Variants in ARHGAP33 observed in about 807,000 individuals in gnomAD.
The protein encoded by ARHGAP33 is Rho GTPase activating protein 33.
In ARHGAP33, 57 loss-of-function variants were observed where a neutral mutation model predicts 126.2. That is an observed-to-expected ratio of 0.45 (90% CI 0.36 to 0.56). The LOEUF (loss-of-function observed/expected upper bound fraction) is 0.56. Ranked by LOEUF, ARHGAP33 falls within the 20% of genes least tolerant of loss-of-function variation. The probability of loss-of-function intolerance (pLI) is 0.00; values close to 1 mark genes in which losing one functional copy is unlikely to be tolerated. For missense variants in ARHGAP33, 1,500 were observed against 1,748.3 expected (o/e 0.86, Z 2.53); for synonymous variants, 711 against 755.0 (o/e 0.94, Z 0.95).
In ARHGAP33 at chr19:35,777,653, C is replaced by T; in HGVS notation, c.15C>T (p.Ser5=). The change falls in exon 2 of 21, where the codon AGC becomes AGT. Residue 5 remains serine, a synonymous_variant. Coordinates refer to ENST00000007510, the MANE Select transcript of ARHGAP33 (RefSeq NM_001366178.1). ...TTCTTTCTGCTCTACAGGCACGCAG[C>T]ACTGACAGCCTGGATGGCCCAGGGG... MVAR[S]TDSLDGPGEG... 1 of 1,572,486 alleles carries T rather than the reference C, an allele frequency of 6.4e-7. No homozygotes were observed. The highest frequency in any genetic ancestry group is 8.6e-7 in the Non-Finnish European group (1 of 1,158,152).
At position 35,788,360 on chromosome 19, in the gene ARHGAP33, T is replaced by G. The variant is rs776890625; in HGVS notation, c.3795T>G (p.Gly1265=). The part of the protein sequence containing the change: ...RNGGQRGEGA[G]PPPPYPTPSW... ...GAGGGCAAAGAGGGGAGGGGGCTGGTCCCCCACCCCCTTACCCCACTCCCA... is the reference window on the plus strand; with the variant it reads ...GAGGGCAAAGAGGGGAGGGGGCTGGGCCCCCACCCCCTTACCCCACTCCCA... The change falls in exon 21 of 21, where the codon GGT becomes GGG. Residue 1265 remains glycine, a synonymous_variant. Coordinates refer to ENST00000007510, the MANE Select transcript of ARHGAP33 (RefSeq NM_001366178.1). The G allele has an allele frequency of 2.5e-6, 4 of 1,597,150 alleles. No individual in the cohort carries two copies. The highest frequency in any genetic ancestry group is 2.3e-5 in the East Asian group (1 of 44,170).
rs533922812 is a variant in ARHGAP33, at chr19:35,786,867, G to C, written c.2397G>C (p.Leu799=). 18 of 1,602,950 alleles carry C rather than the reference G, an allele frequency of 1.1e-5. No homozygotes were observed. The African/African-American group carries it at 2.1e-4, about 19-fold the overall frequency. Reference sequence around the variant, plus strand: ...CTGCCCTAGACATCTCAGAGCCCCTGGCTGTATCAGTGCCACCCGCTGTCC... The same window carrying C: ...CTGCCCTAGACATCTCAGAGCCCCTCGCTGTATCAGTGCCACCCGCTGTCC... ...SPAALDISEP[L]AVSVPPAVLE... is the part of the protein sequence containing the mutation. The change falls in exon 20 of 21, where the codon CTG becomes CTC. Residue 799 remains leucine (L), a synonymous_variant. Transcript: ENST00000007510. This position sits in a 1 kb window ranked among gnomAD's most constrained non-coding sequence, Gnocchi z 7.0.
At chr19:35,779,431 G>GT (rs573611584) in intron 6 of ARHGAP33, among the ~76,000 whole-genome samples, 186 of 151,910 alleles carry the variant, frequency 1.2e-3, no homozygotes, top group Admixed American at 1.8e-3. Context: ...AACCAGAGGG[G>GT]TTTTTTTTCT....
At position 35,784,218 on chromosome 19, in the gene ARHGAP33, C is replaced by T. The variant is rs777784026; in HGVS notation, c.1468C>T (p.Arg490Trp). 5.6e-6 allele frequency: 9 copies of T among 1,611,786 alleles called. No individual in the cohort carries two copies. Among genetic ancestry groups the T allele is most frequent in the South Asian group, 2.2e-5 (2 of 90,974 alleles). The change falls in exon 16 of 21, where the codon CGG becomes TGG. Residue 490 changes from arginine (R) to tryptophan (W), a missense_variant. Transcript: ENST00000007510. ...GGGAATGGGTGGCGCGGCGGCGTTCCGGGAAGTTCGGGTGCAGTCGGTGGT... is the reference window on the plus strand; with the variant it reads ...GGGAATGGGTGGCGCGGCGGCGTTCTGGGAAGTTCGGGTGCAGTCGGTGGT... ...SVGMGGAAAF[R>W]EVRVQSVVVE...
Position 35,782,362 on chromosome 19 carries a change from G to T in ARHGAP33, c.1086-11G>T. The T allele has an allele frequency of 6.3e-7, 1 of 1,596,032 alleles. No individual in the cohort carries two copies. The highest frequency in any genetic ancestry group is 8.6e-7 in the Non-Finnish European group (1 of 1,165,474). Reference sequence around the variant, plus strand: ...CCTGGATCTTCCTCCTCCTTGACACGGTGGTCTCAGGCACGAGTTTGACAG... The same window carrying T: ...CCTGGATCTTCCTCCTCCTTGACACTGTGGTCTCAGGCACGAGTTTGACAG... On this transcript the variant is annotated splice_polypyrimidine_tract_variant and intron_variant, in intron 12 of 20. Coordinates refer to ENST00000007510, the MANE Select transcript of ARHGAP33 (RefSeq NM_001366178.1). This position sits in a 1 kb window ranked among gnomAD's most constrained non-coding sequence, Gnocchi z 4.1.
At position 35,788,163 on chromosome 19, in the gene ARHGAP33, G is replaced by A. The variant is rs561150729; in HGVS notation, c.3598G>A (p.Gly1200Ser). Reference sequence around the variant, plus strand: ...CCACCCCCGAAGCCGTTCAGATCCCGGTCCCCCAGTCCCCCGCCTTCCCCA... The same window carrying A: ...CCACCCCCGAAGCCGTTCAGATCCCAGTCCCCCAGTCCCCCGCCTTCCCCA... ...PAHPRSRSDP[G>S]PPVPRLPQKQ... is the part of the protein sequence containing the mutation. Residue 1200 changes from glycine to serine, a missense_variant, in exon 21 of 21, where the codon GGT becomes AGT. Physicochemically the swap from Gly to Ser is moderately conservative, Grantham distance 56. This residue lies in a region of ARHGAP33 where 642 missense variants were observed against 634.0 expected (regional missense o/e 1.01). Transcript: ENST00000007510. The A allele has an allele frequency of 3.6e-5, 53 of 1,474,570 alleles. No homozygotes were observed. Among genetic ancestry groups the A allele is most frequent in the Admixed American group, 2.1e-4 (11 of 53,302 alleles). 91.3% of individuals were successfully genotyped at this position (1,474,570 alleles called of 1,614,324 possible). A position where few individuals can be genotyped will look rare whatever the true frequency, so the allele number is the denominator to read the frequency against.
chr19:35,777,674 AG>A lies in ARHGAP33; in HGVS notation c.40del (p.Glu14ArgfsTer15). ...ARSTDSLDGP[G>X]EGSVQPLPTA... ...GCAGCACTGACAGCCTGGATGGCCC[AG>A]GGGAGGGCTCGGTGCAGCCTCTACC... On this transcript the variant is annotated frameshift_variant, in exon 2 of 21. Coordinates refer to ENST00000007510, the MANE Select transcript of ARHGAP33 (RefSeq NM_001366178.1). LOFTEE classifies it high-confidence loss of function. 6 of 1,585,312 alleles carry A rather than the reference AG, an allele frequency of 3.8e-6. No individual in the cohort carries two copies. The highest frequency in any genetic ancestry group is 5.1e-6 in the Non-Finnish European group (6 of 1,165,472).
chr19:35,784,628 GC>G, intron 16 of ARHGAP33: 2 of 1,253,060 alleles, frequency 1.6e-6, no homozygotes, highest in Non-Finnish European at 2.0e-6. Flanking sequence ...CCCCGCCCCG[GC>G]CCCACCCAGA....
intron 6 of ARHGAP33, 169 bp from the exon 7 acceptor site, chr19:35,780,042 C>A: frequency 3.2e-6 from 3 of 948,488 alleles, no homozygotes; most frequent in Non-Finnish European, 5.0e-6. Flanking sequence ...CAGAGGGTGC[C>A]AGGGCTGCAT....
chr19:35,786,192 G>C lies in ARHGAP33; in HGVS notation c.1943-221G>C. The C allele has an allele frequency of 7.1e-7, 1 of 1,402,172 alleles. No homozygotes were observed. 86.9% of individuals were successfully genotyped at this position (1,402,172 alleles called of 1,614,324 possible). A position where few individuals can be genotyped will look rare whatever the true frequency, so the allele number is the denominator to read the frequency against. Reference sequence around the variant, plus strand: ...TGGCTCAGCAGCTGTATGTGAATCTGTTGGTCTCGTGCTCACAGCCTGTGG... The same window carrying C: ...TGGCTCAGCAGCTGTATGTGAATCTCTTGGTCTCGTGCTCACAGCCTGTGG... On this transcript the variant is annotated intron_variant, in intron 19 of 20. Coordinates refer to ENST00000007510, the MANE Select transcript of ARHGAP33 (RefSeq NM_001366178.1). This position sits in a 1 kb window ranked among gnomAD's most constrained non-coding sequence, Gnocchi z 7.0.
intron 6 of ARHGAP33, among the ~76,000 whole-genome samples, chr19:35,779,402 C>T (rs1599776749): frequency 6.6e-6 from 1 of 152,040 alleles, no homozygotes; most frequent in African/African-American, 2.4e-5. Flanking sequence ...TCACAGAACA[C>T]CTGGCTATGA....
intron 5 of ARHGAP33, among the ~76,000 whole-genome samples, 165 bp from the exon 6 acceptor site, chr19:35,778,867 A>G (rs992844254): frequency 6.6e-6 from 1 of 152,180 alleles, no homozygotes; most frequent in Non-Finnish European, 1.5e-5. Context: ...AGCTTGGCCC[A>G]GCCTGCTTAT....
chr19:35,779,086 A>G lies in ARHGAP33; in HGVS notation c.463A>G (p.Ser155Gly), dbSNP rs373417733. The G allele has an allele frequency of 3.7e-4, 571 of 1,551,602 alleles. No homozygotes were observed. The highest frequency in any genetic ancestry group is 4.7e-4 in the Non-Finnish European group (535 of 1,147,212). The change falls in exon 6 of 21, where the codon AGT (serine) becomes GGT (glycine). Residue 155 changes from serine to glycine, a missense_variant. Ser to Gly is a moderately conservative substitution (Grantham distance 56, BLOSUM62 0). Around this residue, in one of 6 missense-constraint regions of ARHGAP33, gnomAD observed 75 missense variants for 152.7 expected, o/e 0.49. Coordinates refer to ENST00000007510, the MANE Select transcript of ARHGAP33 (RefSeq NM_001366178.1). ...GGAGACACTGTCAGGACTGGTGGACAGTAACCTCAACTGCGGGCCTGTGCT... is the reference window on the plus strand; with the variant it reads ...GGAGACACTGTCAGGACTGGTGGACGGTAACCTCAACTGCGGGCCTGTGCT... ...YLETLSGLVD[S>G]NLNCGPVLTW...
rs768397311 is a variant in ARHGAP33 at position 35,781,016 on chromosome 19, G to A, written c.926G>A (p.Arg309Gln). The A allele has an allele frequency of 4.3e-6, 7 of 1,612,080 alleles. No homozygotes were observed. Among genetic ancestry groups the A allele is most frequent in the African/African-American group, 2.7e-5 (2 of 74,924 alleles). ...RQRLRQRGIL[R>Q]QRVFGCDLGE... ...CGGCTGCGGCAGCGGGGAATCCTGCGACAGAGGGTGTTTGGCTGCGATCTT... is the reference window on the plus strand; with the variant it reads ...CGGCTGCGGCAGCGGGGAATCCTGCAACAGAGGGTGTTTGGCTGCGATCTT... The change falls in exon 11 of 21, where the codon CGA becomes CAA. Residue 309 changes from arginine to glutamine, a missense_variant. Physicochemically the swap from Arg to Gln is conservative, Grantham distance 43 (BLOSUM62 1). Transcript: ENST00000007510.
chr19:35,785,243 G>A lies in ARHGAP33; in HGVS notation c.1776G>A (p.Lys592=), dbSNP rs34347306. 1,666 of 1,588,376 alleles carry A rather than the reference G, an allele frequency of 1.0e-3. 14 individuals carry two copies. The African/African-American group carries it at 0.019, about 18-fold the overall frequency. The stretch of plus-strand genomic sequence containing the variant: ...GGAAGCCAGGGGGCAGCAGCTGGAA[G>A]ACGTTCTTTGCACTGGGCCGGGGCC... The part of the protein sequence containing the change: ...KQRKPGGSSW[K]TFFALGRGPS... The change falls in exon 18 of 21, where the codon AAG becomes AAA. Residue 592 remains lysine, a synonymous_variant. Coordinates refer to ENST00000007510, the MANE Select transcript of ARHGAP33 (RefSeq NM_001366178.1).
At chr19:35,785,794 C>G in intron 19 of ARHGAP33, 1 of 1,213,678 alleles carries the variant, frequency 8.2e-7, no homozygotes, top group African/African-American at 1.6e-5. Flanking sequence ...AGCCCCATTC[C>G]TTCTCCCCTT....
Position 35,778,523 on chromosome 19 carries a change from C to T in ARHGAP33, c.330C>T (p.Leu110=), listed in dbSNP as rs1482690901. The change falls in exon 5 of 21, where the codon CTC becomes CTT. Residue 110 remains leucine, a synonymous_variant. Transcript: ENST00000007510. Reference sequence around the variant, plus strand: ...ACTTTCGTTCCCTGGATGCCCACCTCCACCGGTGCATATTTGACCGGAGGT... The same window carrying T: ...ACTTTCGTTCCCTGGATGCCCACCTTCACCGGTGCATATTTGACCGGAGGT... ...YDDFRSLDAH[L]HRCIFDRRFS... 1 of 1,614,206 alleles carries T rather than the reference C, an allele frequency of 6.2e-7. No homozygotes were observed. The highest frequency in any genetic ancestry group is 1.7e-5 in the Admixed American group (1 of 60,028).
At chr19:35,775,748 G>A in intron 1 of ARHGAP33, 84 bp downstream of exon 1, 1 of 1,301,924 alleles carries the variant, frequency 7.7e-7, no homozygotes, top group Non-Finnish European at 1.0e-6. Context: ...CCCCGCCCCC[G>A]GCCCCGCCCG....
At chr19:35,777,620 G>T (rs1449074091) in intron 1 of ARHGAP33, 25 bp from the exon 2 acceptor site, 2 of 1,543,324 alleles carry the variant, frequency 1.3e-6, no homozygotes, top group Admixed American at 2.0e-5. Context: ...ATCTCTGGGG[G>T]CCTCTGATTC....
Sources: allele counts gnomAD v4.1 joint callset (sites outside exome capture counted in the v4.1 genomes callset), GRCh38; gene constraint gnomAD v4.1.1; regional missense constraint gnomAD v4.1.1; non-coding constraint Gnocchi (gnomAD v3.1); transcripts MANE v1.5; gene names NCBI Gene and HGNC (gene_info 2026-07-23, HGNC 2026-07-21).